The following ZBTB7C variants were observed in gnomAD, a reference collection of about 807,000 sequenced individuals.
ZBTB7C encodes zinc finger and BTB domain containing 7C, also known as zinc finger and BTB domain-containing protein 7C.
ZBTB7C carries 8 observed loss-of-function variants against 25.7 expected under a neutral mutation model. The ratio of observed to expected loss-of-function variants is 0.31; its 90% CI spans 0.18 to 0.56. The LOEUF is 0.56. Ranked by LOEUF, ZBTB7C falls within the 20% of genes least tolerant of loss-of-function variation. ZBTB7C has a pLI of 0.91. For missense variants in ZBTB7C, 824 were observed against 855.2 expected, an observed-to-expected ratio of 0.96 and a Z score of 0.46; for synonymous variants, 394 against 369.0, an observed-to-expected ratio of 1.07 and a Z score of -0.78.
chr18:48,076,651 G>A (rs939719894), intron 3 of ZBTB7C, among the ~76,000 whole-genome samples: 5 of 152,170 alleles, frequency 3.3e-5, no homozygotes, highest in African/African-American at 1.2e-4. Context: ...CCATGGGCAG[G>A]GAGCAGGGTG....
intron 3 of ZBTB7C, among the ~76,000 whole-genome samples, chr18:48,174,491 A>G (rs1376458302): frequency 1.3e-5 from 2 of 152,250 alleles, no homozygotes; most frequent in African/African-American, 2.4e-5. Context: ...ACACAACCCC[A>G]TGGAGGGGAA....
In ZBTB7C at chr18:48,029,499, C is replaced by G; in HGVS notation, c.1621G>C (p.Ala541Pro). 1 of 1,590,970 alleles carries G rather than the reference C, an allele frequency of 6.3e-7. No homozygotes were observed. Residue 541 changes from alanine to proline, a missense_variant, in exon 5 of 5, where the codon GCC becomes CCC. By Grantham distance (27) the Ala-to-Pro change is conservative. Transcript: ENST00000590800. ...AKHFLAAPKG[A>P]LSLQELERQF... ...CGCTCCAGCTCTTGCAGGCTCAGGG[C>G]GCCCTTGGGCGCTGCCAGGAAGTGC...
chr18:48,199,057 G>A (rs2042378059), intron 2 of ZBTB7C, among the ~76,000 whole-genome samples: 1 of 152,246 alleles, frequency 6.6e-6, no homozygotes. Context: ...CACTGTCCCA[G>A]TAGCTTCTAG....
At chr18:48,311,289 G>A (rs1433845154) in intron 2 of ZBTB7C, among the ~76,000 whole-genome samples, 2 of 152,162 alleles carry the variant, frequency 1.3e-5, no homozygotes, top group African/African-American at 4.8e-5. Flanking sequence ...AAATCTCCCA[G>A]TGCCCAGCAC....
At chr18:48,089,738 A>G (rs1276584422) in intron 3 of ZBTB7C, among the ~76,000 whole-genome samples, 1 of 152,154 alleles carries the variant, frequency 6.6e-6, no homozygotes, top group African/African-American at 2.4e-5. Context: ...TTGAGGTGCA[A>G]GATGATAAAG....
intron 2 of ZBTB7C, among the ~76,000 whole-genome samples, chr18:48,326,072 G>C (rs1598876535): frequency 6.7e-6 from 1 of 148,602 alleles, no homozygotes; most frequent in Non-Finnish European, 1.5e-5. Context: ...TCTGTTTATA[G>C]ATAATGCATA....
chr18:48,173,907 C>G (rs919146880), intron 3 of ZBTB7C, among the ~76,000 whole-genome samples: 4 of 152,222 alleles, frequency 2.6e-5, no homozygotes, highest in African/African-American at 9.6e-5. Flanking sequence ...CTGTCCCCAT[C>G]CTAAAATCAA....
In ZBTB7C at chr18:48,255,533, T is replaced by C. The variant is rs146452200; in HGVS notation, c.-78-69538A>G. 4.5e-3 allele frequency among the ~76,000 whole-genome samples: 685 copies of C among 152,206 alleles called. 2 individuals are homozygous for C. The highest frequency in any genetic ancestry group is 0.016 in the African/African-American group (649 of 41,530). ...GTTGTTTATCTGACCTTCCAAGAAA[T>C]TAAGAGAGAAAGAGAGATATAATAG... On this transcript the variant is annotated intron_variant, in intron 2 of 4. Transcript: ENST00000590800.
chr18:48,307,785 T>C (rs1456258664), intron 2 of ZBTB7C, among the ~76,000 whole-genome samples: 1 of 152,232 alleles, frequency 6.6e-6, no homozygotes, highest in East Asian at 1.9e-4. Context: ...GAGGCGGAGA[T>C]TGCAGTGAGC....
intron 1 of ZBTB7C, among the ~76,000 whole-genome samples, chr18:48,363,936 G>A (rs574494024): frequency 6.6e-6 from 1 of 151,962 alleles, no homozygotes; most frequent in South Asian, 2.1e-4. Flanking sequence ...CCCAGATGAA[G>A]GGTACCCTCC....
chr18:48,230,057 C>T (rs1158923978), intron 2 of ZBTB7C, among the ~76,000 whole-genome samples: 1 of 152,172 alleles, frequency 6.6e-6, no homozygotes, highest in Non-Finnish European at 1.5e-5. Flanking sequence ...TTTGCATTTT[C>T]TAAATAAAAT....
intron 2 of ZBTB7C, among the ~76,000 whole-genome samples, chr18:48,224,036 A>C (rs2043025362): frequency 6.6e-6 from 1 of 152,190 alleles, no homozygotes; most frequent in South Asian, 2.1e-4. Flanking sequence ...ATGATGGAAA[A>C]GACTGACGGA....
chr18:48,301,689 A>T (rs2045548869), intron 2 of ZBTB7C, among the ~76,000 whole-genome samples: 1 of 152,104 alleles, frequency 6.6e-6, no homozygotes, highest in Non-Finnish European at 1.5e-5. Context: ...ACCGAAAATG[A>T]CTGATGAGAT....
In ZBTB7C at chr18:48,068,296, C is replaced by T. The variant is rs191101173; in HGVS notation, c.-16-27173G>A. Reference sequence around the variant, plus strand: ...TGGGACTACTCGGTGCCTGCCACCACGCCTGGCTAATTTTTGGTATTTTTA... The same window carrying T: ...TGGGACTACTCGGTGCCTGCCACCATGCCTGGCTAATTTTTGGTATTTTTA... On this transcript the variant is annotated intron_variant, in intron 3 of 4. Transcript: ENST00000590800. Among the ~76,000 whole-genome samples the T allele has an allele frequency of 1.1e-3, 172 of 151,894 alleles. 1 individual carries two copies. The highest frequency in any genetic ancestry group is 3.8e-3 in the African/African-American group (159 of 41,466).
intron 3 of ZBTB7C, among the ~76,000 whole-genome samples, chr18:48,080,947 C>T (rs539897601): frequency 7.2e-5 from 11 of 152,330 alleles, no homozygotes; most frequent in African/African-American, 2.6e-4. Context: ...TGTATTCTTT[C>T]CTCACTCACC....
intron 1 of ZBTB7C, among the ~76,000 whole-genome samples, chr18:48,400,066 T>C (rs556694068): frequency 1.3e-5 from 2 of 152,312 alleles, no homozygotes; most frequent in South Asian, 4.2e-4. Context: ...AGCTTCAGAA[T>C]TGAAACAATC....
chr18:48,410,393 C>T (rs1459804298), upstream of ZBTB7C, among the ~76,000 whole-genome samples: 1 of 152,180 alleles, frequency 6.6e-6, no homozygotes, highest in Non-Finnish European at 1.5e-5. Flanking sequence ...GGCGGCCTTC[C>T]GAAGCGTCCA....
At chr18:48,410,337 G>A (rs567888858), upstream of ZBTB7C, among the ~76,000 whole-genome samples, 10 of 152,268 alleles carry the variant, frequency 6.6e-5, no homozygotes, top group African/African-American at 2.2e-4. Context: ...CCCACACGCC[G>A]GGGAGCAGCC....
chr18:48,131,443 T>A (rs2039981757), intron 3 of ZBTB7C, among the ~76,000 whole-genome samples: 1 of 152,212 alleles, frequency 6.6e-6, no homozygotes, highest in East Asian at 1.9e-4. Context: ...TGACCAGGAC[T>A]TAGGATGTTC....
Sources: gnomAD v4.1 joint callset for allele counts (sites outside exome capture counted in the v4.1 genomes callset) on GRCh38, gnomAD v4.1.1 for gene constraint, MANE v1.5 for transcripts, NCBI Gene and HGNC (gene_info 2026-07-23, HGNC 2026-07-21) for gene names.